RGS22: variants seen among roughly 807,000 people sequenced by gnomAD.
RGS22 encodes regulator of G protein signaling 22.
RGS22 carries 148 observed loss-of-function variants against 172.9 expected under a neutral mutation model. The ratio of observed to expected loss-of-function variants is 0.86; its 90% CI spans 0.75 to 0.98. The LOEUF (loss-of-function observed/expected upper bound fraction) is 0.98, where lower values mean the gene tolerates loss of function less well. RGS22 is among the 50% of genes least tolerant of loss of function. The pLI is 0.00. For synonymous variants in RGS22, 458 were observed against 480.2 expected (o/e 0.95, Z 0.60); for missense variants, 1,347 against 1,440.8 (o/e 0.93, Z 1.05).
chr8:100,063,932 G>T lies in RGS22; in HGVS notation c.836C>A (p.Ser279Tyr), dbSNP rs1373337201. 2 of 1,594,160 alleles carry T rather than the reference G, an allele frequency of 1.3e-6. No individual in the cohort carries two copies. The highest frequency in any genetic ancestry group is 3.5e-5 in the Admixed American group (2 of 56,680). ...AGAAGGAGTGTCTTGTAGAGATACA[G>T]ACACCTCTTCTTCTTCTCCTTCTTC... The part of the protein sequence containing the change: ...EEEEGEEEEV[S>Y]VSLQDTPSQA... Residue 279 changes from serine to tyrosine, a missense_variant, in exon 8 of 28, where the codon TCT becomes TAT. Coordinates refer to ENST00000360863, the MANE Select transcript of RGS22 (RefSeq NM_015668.5).
chr8:100,010,036 T>A (rs1320602789), intron 14 of RGS22, among the ~76,000 whole-genome samples: 2 of 152,216 alleles, frequency 1.3e-5, no homozygotes, highest in Non-Finnish European at 2.9e-5. Context: ...CTCCCATTAA[T>A]CATCTTTCAA....
rs1821855761 is a variant in RGS22 at position 100,053,088 on chromosome 8, C to G, written c.1515-112G>C. 1.3e-5 allele frequency: 12 copies of G among 941,400 alleles called. No homozygotes were observed. The South Asian group carries it at 2.0e-4, about 16-fold the overall frequency. The allele number at this position is 941,400 out of a possible 1,614,324, so 58.3% of individuals were successfully genotyped here. Reference sequence around the variant, plus strand: ...CACAATTAACAGTCTTGCCATACCTCTTTTCTAACAACTTTTACTTCTTTC... The same window carrying G: ...CACAATTAACAGTCTTGCCATACCTGTTTTCTAACAACTTTTACTTCTTTC... On this transcript the variant is annotated intron_variant, in intron 9 of 27. Transcript: ENST00000360863.
At chr8:99,962,065 C>CT (rs34386641) in intron 27 of RGS22, among the ~76,000 whole-genome samples, 2 of 150,690 alleles carry the variant, frequency 1.3e-5, no homozygotes, top group African/African-American at 4.9e-5. Context: ...ATTTTTAGTT[C>CT]TTTTTTTTTT....
At chr8:100,062,773 A>T in intron 8 of RGS22, 21 bp from the exon 9 acceptor site, 2 of 1,567,680 alleles carry the variant, frequency 1.3e-6, no homozygotes, top group Non-Finnish European at 1.7e-6. Flanking sequence ...ACACATTTCC[A>T]TATATACACA....
chr8:100,102,785 A>G (rs1813601119), intron 2 of RGS22, among the ~76,000 whole-genome samples: 1 of 152,256 alleles, frequency 6.6e-6, no homozygotes, highest in African/African-American at 2.4e-5. Context: ...TTATAAATCA[A>G]AAACAGTAAG....
intron 14 of RGS22, among the ~76,000 whole-genome samples, chr8:100,029,516 G>A (rs1256751762): frequency 6.6e-6 from 1 of 151,772 alleles, no homozygotes; most frequent in Non-Finnish European, 1.5e-5. Flanking sequence ...AGCCTGACCA[G>A]CATGGTGAAA....
chr8:99,997,067 TAA>T (rs1341960377), intron 19 of RGS22, among the ~76,000 whole-genome samples: 1 of 152,172 alleles, frequency 6.6e-6, no homozygotes, highest in African/African-American at 2.4e-5. Context: ...TCACTGGGGC[TAA>T]GTCTTTTTGA....
chr8:100,043,784 A>AAAAAC (rs1230439318), intron 11 of RGS22, among the ~76,000 whole-genome samples: 3 of 152,102 alleles, frequency 2.0e-5, no homozygotes, highest in African/African-American at 4.8e-5. Flanking sequence ...AAAAAAAACA[A>AAAAAC]AAAACAAAAC....
At chr8:100,101,411 C>T (rs2514708) in intron 2 of RGS22, among the ~76,000 whole-genome samples, 75,920 of 148,798 alleles carry the variant, frequency 0.51, 19,634 homozygotes, top group Admixed American at 0.62. Flanking sequence ...CTCACCCTCC[C>T]GAGTTGCTGG....
intron 23 of RGS22, among the ~76,000 whole-genome samples, chr8:99,968,832 C>T (rs1811030843): frequency 6.6e-6 from 1 of 152,028 alleles, no homozygotes; most frequent in Non-Finnish European, 1.5e-5. Context: ...GAGAACTTCC[C>T]CAACCTAGCA....
intron 22 of RGS22, 28 bp downstream of exon 22, chr8:99,981,909 T>C (rs762793028): frequency 6.4e-7 from 1 of 1,573,354 alleles, no homozygotes; most frequent in African/African-American, 1.4e-5. Flanking sequence ...TTTTAAAATA[T>C]GCTTAGCCAC....
At chr8:100,013,857 T>A (rs940605302) in intron 14 of RGS22, among the ~76,000 whole-genome samples, 2 of 152,156 alleles carry the variant, frequency 1.3e-5, no homozygotes, top group Non-Finnish European at 2.9e-5. Context: ...TCAACTATAC[T>A]CTTACCAACA....
chr8:99,963,394 T>C (rs1485951316), intron 24 of RGS22, among the ~76,000 whole-genome samples: 1 of 152,218 alleles, frequency 6.6e-6, no homozygotes, highest in African/African-American at 2.4e-5. Flanking sequence ...GTCATCTTTA[T>C]ATATTCAATT....
rs1293592207 is a variant in RGS22, at chr8:100,026,470, G to A, written c.2166+12461C>T. ...CTTGTGAAATTTTGCAAATACAAGA[G>A]TAAACAGGCAACAGTACTATAAACC... On this transcript the variant is annotated intron_variant, in intron 14 of 27. Transcript: ENST00000360863. 3.3e-5 allele frequency among the ~76,000 whole-genome samples: 5 copies of A among 152,166 alleles called. No individual in the cohort carries two copies. The South Asian group carries it at 8.3e-4, about 25-fold the overall frequency.
At chr8:100,060,768 T>G in intron 9 of RGS22, among the ~76,000 whole-genome samples, 1 of 152,136 alleles carries the variant, frequency 6.6e-6, no homozygotes, top group East Asian at 1.9e-4. Context: ...GATTCAATGC[T>G]ATTCCTATTA....
At chr8:99,978,675 A>G (rs1348675690) in intron 22 of RGS22, among the ~76,000 whole-genome samples, 2 of 152,246 alleles carry the variant, frequency 1.3e-5, no homozygotes, top group Admixed American at 1.3e-4. Context: ...TTCTATAAGG[A>G]CACTTTAAGT....
chr8:100,071,295 TA>T, intron 6 of RGS22, 73 bp downstream of exon 6: 1 of 1,296,568 alleles, frequency 7.7e-7, no homozygotes, highest in Non-Finnish European at 1.1e-6. Flanking sequence ...TCAAAAAATA[TA>T]TGTATAAAAT....
chr8:100,093,142 C>T lies in RGS22; in HGVS notation c.117+305G>A, dbSNP rs575449021. On this transcript the variant is annotated intron_variant, in intron 3 of 27. Coordinates refer to ENST00000360863, the MANE Select transcript of RGS22 (RefSeq NM_015668.5). ...TCATACCACTGCATTCCAGCGTGGGCGACAGAGCAACACAATGTCTCAAAA... is the reference window on the plus strand; with the variant it reads ...TCATACCACTGCATTCCAGCGTGGGTGACAGAGCAACACAATGTCTCAAAA... 258 of 213,564 alleles carry T rather than the reference C, an allele frequency of 1.2e-3. 3 individuals are homozygous for T. In the South Asian group the frequency reaches 0.023, roughly 19 times the overall value. 13.2% of individuals were successfully genotyped at this position (213,564 alleles called of 1,614,324 possible).
chr8:100,095,129 T>C (rs1482466201), intron 2 of RGS22, among the ~76,000 whole-genome samples: 1 of 152,206 alleles, frequency 6.6e-6, no homozygotes, highest in African/African-American at 2.4e-5. Context: ...TCCAGATGTC[T>C]TGCACTTCTA....
Sources: allele counts gnomAD v4.1 joint callset (sites outside exome capture counted in the v4.1 genomes callset), GRCh38; gene constraint gnomAD v4.1.1; transcripts MANE v1.5; gene names NCBI Gene and HGNC (gene_info 2026-07-23, HGNC 2026-07-21).